FRMD3: variants seen among roughly 807,000 people sequenced by gnomAD.
FRMD3 encodes the protein FERM domain-containing protein 3.
In FRMD3, 33 loss-of-function variants were observed where a neutral mutation model predicts 70.2. The observed-to-expected ratio is 0.47, with a 90% confidence interval of 0.36 to 0.63. The LOEUF is 0.63. Ranked by LOEUF, FRMD3 falls within the 20% of genes least tolerant of loss-of-function variation. The pLI is 0.00. For missense variants in FRMD3, 632 were observed against 711.4 expected (o/e 0.89, Z 1.27); for synonymous variants, 279 against 255.9 (o/e 1.09, Z -0.86).
At chr9:83,452,734 G>A (rs759887937) in intron 1 of FRMD3, among the ~76,000 whole-genome samples, 17 of 151,912 alleles carry the variant, frequency 1.1e-4, no homozygotes, top group Non-Finnish European at 1.8e-4. Flanking sequence ...CGCCCGTCTC[G>A]GCCTCCCAAA....
At chr9:83,479,019 A>G (rs1035223016) in intron 1 of FRMD3, among the ~76,000 whole-genome samples, 9 of 152,202 alleles carry the variant, frequency 5.9e-5, no homozygotes, top group African/African-American at 2.2e-4. Flanking sequence ...GAATAAAAGA[A>G]TGAATAAACT....
intron 1 of FRMD3, among the ~76,000 whole-genome samples, chr9:83,431,784 T>C (rs1262075119): frequency 6.6e-6 from 1 of 152,218 alleles, no homozygotes; most frequent in African/African-American, 2.4e-5. Context: ...TTGGTGTTAT[T>C]TTTCCATACT....
chr9:83,468,617 T>C (rs575583483), intron 1 of FRMD3, among the ~76,000 whole-genome samples: 5 of 152,348 alleles, frequency 3.3e-5, no homozygotes, highest in African/African-American at 1.2e-4. Context: ...CTCAGCTCTG[T>C]CACTGGCTAT....
intron 13 of FRMD3, among the ~76,000 whole-genome samples, chr9:83,287,962 A>G (rs1050275925): frequency 6.6e-6 from 1 of 152,262 alleles, no homozygotes; most frequent in Non-Finnish European, 1.5e-5. Flanking sequence ...TGTGGTCTAC[A>G]GGGTGTACAA....
At chr9:83,392,541 A>C (rs1183454689) in intron 1 of FRMD3, among the ~76,000 whole-genome samples, 2 of 152,102 alleles carry the variant, frequency 1.3e-5, no homozygotes, top group African/African-American at 4.8e-5. Flanking sequence ...AACCTTCCAC[A>C]TGCTTCCTCC....
chr9:83,256,291 A>G lies in FRMD3; in HGVS notation c.1196-7775T>C, dbSNP rs552756102. Among the ~76,000 whole-genome samples the G allele has an allele frequency of 1.4e-4, 22 of 152,280 alleles. No individual in the cohort carries two copies. In the East Asian group the frequency reaches 3.3e-3, roughly 23 times the overall value. On this transcript the variant is annotated intron_variant, in intron 13 of 13. Coordinates refer to ENST00000304195, the MANE Select transcript of FRMD3 (RefSeq NM_174938.6). ...GAGGAAAGGACTCCCTATTTGATAA[A>G]TGGTGCTGGAAGTGCTGGCTAGACA...
chr9:83,245,120 T>C lies in FRMD3; in HGVS notation c.*2798A>G. ...AATAATACATCTCAAATTCCTCAAT[T>C]AGGGCAAAATAAGCACAATTATGCA... On this transcript the variant is annotated 3_prime_UTR_variant, in exon 14 of 14. Coordinates refer to ENST00000304195, the MANE Select transcript of FRMD3 (RefSeq NM_174938.6). The C allele has an allele frequency of 1.0e-6, 1 of 985,288 alleles. No homozygotes were observed. Among genetic ancestry groups the C allele is most frequent in the Non-Finnish European group, 1.2e-6 (1 of 829,844 alleles). The allele number at this position is 985,288 out of a possible 1,614,324, so 61.0% of individuals were successfully genotyped here.
intron 6 of FRMD3, among the ~76,000 whole-genome samples, chr9:83,321,469 T>C (rs548880497): frequency 2.6e-4 from 40 of 152,346 alleles, no homozygotes; most frequent in Admixed American, 2.3e-3. Context: ...GTTTAATTTA[T>C]ATGTATTGTA....
upstream of FRMD3, among the ~76,000 whole-genome samples, chr9:83,543,443 C>T (rs892731055): frequency 2.0e-5 from 3 of 152,236 alleles, no homozygotes; most frequent in Non-Finnish European, 4.4e-5. Flanking sequence ...TTGGGAATTT[C>T]TTGAGGGCAC....
chr9:83,440,422 T>C (rs2375919), intron 1 of FRMD3, among the ~76,000 whole-genome samples: 87,185 of 151,960 alleles, frequency 0.57, 26,172 homozygotes, highest in African/African-American at 0.77. Flanking sequence ...ATTCTTCTTC[T>C]GTCACTTCTG....
intron 6 of FRMD3, among the ~76,000 whole-genome samples, chr9:83,328,623 G>C (rs1836118457): frequency 6.6e-6 from 1 of 152,176 alleles, no homozygotes; most frequent in South Asian, 2.1e-4. Flanking sequence ...GAATTATTTT[G>C]TAGATAAAAT....
intron 2 of FRMD3, among the ~76,000 whole-genome samples, chr9:83,388,176 G>T (rs1430168275): frequency 1.3e-5 from 2 of 152,144 alleles, no homozygotes; most frequent in African/African-American, 4.8e-5. Context: ...AGCAAAATAA[G>T]ATTCTCTATG....
chr9:83,262,923 G>A (rs1056382480), intron 13 of FRMD3, among the ~76,000 whole-genome samples: 10 of 152,242 alleles, frequency 6.6e-5, no homozygotes, highest in Admixed American at 1.3e-4. Flanking sequence ...GGTAATTCCA[G>A]TCTCTTGGTC....
chr9:83,247,059 C>T lies in FRMD3; in HGVS notation c.*859G>A, dbSNP rs1795650999. On this transcript the variant is annotated 3_prime_UTR_variant, in exon 14 of 14. Coordinates refer to ENST00000304195, the MANE Select transcript of FRMD3 (RefSeq NM_174938.6). ...TCTCACTTTCTTTTTAAAACATCTG[C>T]TTCTCCAGCCAAAATATACGGACAG... 1 of 985,382 alleles carries T rather than the reference C, an allele frequency of 1.0e-6. No homozygotes were observed. The highest frequency in any genetic ancestry group is 1.2e-6 in the Non-Finnish European group (1 of 829,920). The allele number at this position is 985,382 out of a possible 1,614,324, so 61.0% of individuals were successfully genotyped here.
In FRMD3 at chr9:83,247,643, T is replaced by C; in HGVS notation, c.*275A>G. On this transcript the variant is annotated 3_prime_UTR_variant, in exon 14 of 14. Transcript: ENST00000304195. ...GTCCAATGTAACATGTATTATGATA[T>C]AATAGATGAAGGGTATGTCTACACT... 9.0e-7 allele frequency: 1 copy of C among 1,113,902 alleles called. No homozygotes were observed. The highest frequency in any genetic ancestry group is 1.1e-6 in the Non-Finnish European group (1 of 900,396). The allele number at this position is 1,113,902 out of a possible 1,614,324, so 69.0% of individuals were successfully genotyped here.
At chr9:83,559,560 T>C in the FRMD3 span, among the ~76,000 whole-genome samples, 1 of 152,230 alleles carries the variant, frequency 6.6e-6, no homozygotes, top group Non-Finnish European at 1.5e-5. Flanking sequence ...AATGTAATTG[T>C]GTTAAGTTGA....
intron 13 of FRMD3, among the ~76,000 whole-genome samples, chr9:83,282,986 T>C (rs1158269457): frequency 2.0e-5 from 3 of 151,836 alleles, no homozygotes; most frequent in Non-Finnish European, 2.9e-5. Flanking sequence ...TTTCAAGTGA[T>C]AAAAACTTCT....
chr9:83,439,472 A>G (rs768740823), intron 1 of FRMD3, among the ~76,000 whole-genome samples: 5 of 152,224 alleles, frequency 3.3e-5, no homozygotes, highest in Non-Finnish European at 4.4e-5. Context: ...GTTACAGCCA[A>G]CTGGATGGTT....
intron 5 of FRMD3, 101 bp from the exon 6 acceptor site, chr9:83,335,740 G>T: frequency 2.0e-6 from 2 of 991,456 alleles, no homozygotes; most frequent in South Asian, 1.7e-5. Flanking sequence ...GAAGAGGCTG[G>T]AATAAACTCA....
Sources: allele counts gnomAD v4.1 joint callset (sites outside exome capture counted in the v4.1 genomes callset), GRCh38; gene constraint gnomAD v4.1.1; transcripts MANE v1.5; gene names NCBI Gene and HGNC (gene_info 2026-07-23, HGNC 2026-07-21).